Variants in CACNA1C observed in about 807,000 individuals in gnomAD.
The protein encoded by CACNA1C is voltage-dependent L-type calcium channel subunit alpha-1C.
Under a neutral mutation model 229.0 loss-of-function variants are expected in CACNA1C, and 30 were observed. The observed-to-expected ratio is 0.13, with a 90% CI of 0.10 to 0.18. CACNA1C has a LOEUF of 0.18. Among genes scored for constraint, CACNA1C ranks in the 10% least tolerant of loss-of-function variants. The probability of loss-of-function intolerance (pLI) is 1.00; values close to 1 mark genes in which losing one functional copy is unlikely to be tolerated. For missense variants in CACNA1C, 1,658 were observed against 2,845.0 expected, an observed-to-expected ratio of 0.58 and a Z score of 9.49; for synonymous variants, 1,114 against 1,132.5, an observed-to-expected ratio of 0.98 and a Z score of 0.33.
intron 1 of CACNA1C, chr12:2,004,514 C>T: frequency 6.6e-7 from 1 of 1,510,346 alleles, no homozygotes; most frequent in East Asian, 2.3e-5. Flanking sequence ...GCCTCGCAAC[C>T]GAGAACCCAC....
chr12:2,565,475 G>GAA (rs4016834), intron 11 of CACNA1C, among the ~76,000 whole-genome samples: 3 of 117,704 alleles, frequency 2.5e-5, no homozygotes, highest in South Asian at 2.9e-4. Context: ...CTCCGTCTCA[G>GAA]AAAAAAAAAA....
At chr12:2,278,502 A>C (rs1399721847) in intron 3 of CACNA1C, among the ~76,000 whole-genome samples, 1 of 152,154 alleles carries the variant, frequency 6.6e-6, no homozygotes, top group Non-Finnish European at 1.5e-5. Context: ...GTCATACAGC[A>C]TGGACTCTCT....
intron 3 of CACNA1C, among the ~76,000 whole-genome samples, chr12:2,320,196 C>T (rs978590971): frequency 1.3e-5 from 2 of 152,132 alleles, no homozygotes; most frequent in Non-Finnish European, 2.9e-5. Flanking sequence ...TGGTCAGTGC[C>T]ATGAAAATCT....
chr12:2,394,517 C>G (rs1595104524), intron 3 of CACNA1C, among the ~76,000 whole-genome samples: 1 of 152,200 alleles, frequency 6.6e-6, no homozygotes, highest in East Asian at 1.9e-4. Flanking sequence ...TGGCCACCTT[C>G]TCTCCTTAGT....
intron 3 of CACNA1C, among the ~76,000 whole-genome samples, chr12:2,173,539 C>T (rs1379370680): frequency 3.9e-5 from 6 of 152,154 alleles, no homozygotes; most frequent in Non-Finnish European, 8.8e-5. Flanking sequence ...GATGTATAAT[C>T]ACCCCATTTG....
chr12:2,347,635 G>A (rs764547914), intron 3 of CACNA1C, among the ~76,000 whole-genome samples: 7 of 152,224 alleles, frequency 4.6e-5, no homozygotes, highest in South Asian at 2.1e-4. Context: ...CCCAGGACCC[G>A]TGGGGGCCAG....
Position 2,053,656 on chromosome 12 carries a change from C to T in CACNA1C, c.49+45C>T. The T allele has an allele frequency of 6.5e-7, 1 of 1,541,212 alleles. No homozygotes were observed. Among genetic ancestry groups the T allele is most frequent in the Non-Finnish European group, 8.7e-7 (1 of 1,144,288 alleles). On this transcript the variant is annotated intron_variant, in intron 1 of 46. Coordinates refer to ENST00000399655, the MANE Select transcript of CACNA1C (RefSeq NM_000719.7). The surrounding 1 kb of genome is among the most constrained non-coding windows in gnomAD (Gnocchi z 5.8). ...CCTCGCCGGGGCTCCCTGCCTTTTC[C>T]ACCGGGTTCCTGCCCTACCCGCGCT...
intron 4 of CACNA1C, among the ~76,000 whole-genome samples, chr12:2,449,383 G>C (rs2099331424): frequency 6.6e-6 from 1 of 152,186 alleles, no homozygotes; most frequent in Non-Finnish European, 1.5e-5. Flanking sequence ...GAGGGGTCAG[G>C]CTTCTCCCTG....
At chr12:2,091,214 C>A (rs2070739067) in intron 1 of CACNA1C, among the ~76,000 whole-genome samples, 1 of 152,178 alleles carries the variant, frequency 6.6e-6, no homozygotes, top group African/African-American at 2.4e-5. Flanking sequence ...GGTTACTTGT[C>A]CCCATTGGCC....
chr12:2,689,642 C>A lies in CACNA1C; in HGVS notation c.6117+863C>A, dbSNP rs907775821. On this transcript the variant is annotated intron_variant, in intron 46 of 46. Coordinates refer to ENST00000399655, the MANE Select transcript of CACNA1C (RefSeq NM_000719.7). This position sits in a 1 kb window ranked among gnomAD's most constrained non-coding sequence, Gnocchi z 4.2. ...CTCATCCGGGCGTCAGGCTGTGGTG[C>A]AGGAGGTGGGGCGTTAAACCAGGTG... 6.6e-6 allele frequency among the ~76,000 whole-genome samples: 1 copy of A among 151,992 alleles called. No homozygotes were observed. Among genetic ancestry groups the A allele is most frequent in the South Asian group, 2.1e-4 (1 of 4,816 alleles).
rs1183464724 is a variant in CACNA1C, at chr12:2,651,915, G to A, written c.4074+147G>A. On this transcript the variant is annotated intron_variant, in intron 32 of 46. Coordinates refer to ENST00000399655, the MANE Select transcript of CACNA1C (RefSeq NM_000719.7). The surrounding 1 kb of genome is among the most constrained non-coding windows in gnomAD (Gnocchi z 5.4). ...ACTCGGCCGCTCTGCCTGGCTCCCT[G>A]TTTCCGCACCGAGAGGCCTAGACGA... The A allele has an allele frequency of 4.0e-5, 26 of 647,942 alleles. No individual in the cohort carries two copies. In the Admixed American group the frequency reaches 7.9e-4, roughly 20 times the overall value. The allele number at this position is 647,942 out of a possible 1,614,324, so 40.1% of individuals were successfully genotyped here.
At chr12:2,508,140 C>A (rs997844766) in intron 8 of CACNA1C, among the ~76,000 whole-genome samples, 5 of 152,236 alleles carry the variant, frequency 3.3e-5, no homozygotes, top group Non-Finnish European at 7.3e-5. Flanking sequence ...AAGCCACTAA[C>A]TGAATAGCAC....
rs925742367 is a variant in CACNA1C at position 2,666,390 on chromosome 12, C to A, written c.4527-296C>A. Among the ~76,000 whole-genome samples the A allele has an allele frequency of 9.2e-5, 14 of 152,180 alleles. No individual in the cohort carries two copies. Among genetic ancestry groups the A allele is most frequent in the African/African-American group, 3.4e-4 (14 of 41,438 alleles). On this transcript the variant is annotated intron_variant, in intron 36 of 46. Coordinates refer to ENST00000399655, the MANE Select transcript of CACNA1C (RefSeq NM_000719.7). The surrounding 1 kb of genome is among the most constrained non-coding windows in gnomAD (Gnocchi z 5.3). ...ATACCTTTTGGTCAGAAGGTTAGTT[C>A]ATTCAATCAGCAAGTATATATTGAG...
intron 3 of CACNA1C, among the ~76,000 whole-genome samples, chr12:2,276,594 T>G (rs986215753): frequency 2.0e-5 from 3 of 152,220 alleles, no homozygotes; most frequent in Non-Finnish European, 4.4e-5. Flanking sequence ...GAGAAATGTT[T>G]ATGGCCTCTA....
chr12:2,286,045 C>T (rs943193791), intron 3 of CACNA1C, among the ~76,000 whole-genome samples: 10 of 152,140 alleles, frequency 6.6e-5, no homozygotes, highest in African/African-American at 2.2e-4. Context: ...TTTCTTCACT[C>T]AGCTGTTTAA....
chr12:2,428,099 C>T (rs1405352444), intron 3 of CACNA1C, among the ~76,000 whole-genome samples: 4 of 151,962 alleles, frequency 2.6e-5, no homozygotes, highest in Non-Finnish European at 5.9e-5. Flanking sequence ...GTTTTAATTA[C>T]ACCTGAAAAC....
chr12:2,060,512 A>G (rs981080560), intron 1 of CACNA1C, among the ~76,000 whole-genome samples: 2 of 152,192 alleles, frequency 1.3e-5, no homozygotes, highest in South Asian at 4.1e-4. Context: ...ATCTTCCTTG[A>G]AGTGTTCATT....
chr12:2,226,071 T>G (rs2062853426), intron 3 of CACNA1C, among the ~76,000 whole-genome samples: 1 of 151,832 alleles, frequency 6.6e-6, no homozygotes. Context: ...TTATTTCCTG[T>G]GACTTCTTAG....
chr12:2,464,110 G>T (rs184775448), intron 5 of CACNA1C, among the ~76,000 whole-genome samples: 2 of 152,180 alleles, frequency 1.3e-5, no homozygotes, highest in Non-Finnish European at 2.9e-5. Context: ...AAGTCAAATG[G>T]AGATGAGAAA....
Sources: gnomAD v4.1 joint callset for allele counts (sites outside exome capture counted in the v4.1 genomes callset) on GRCh38, gnomAD v4.1.1 for gene constraint, Gnocchi (gnomAD v3.1) non-coding constraint, MANE v1.5 for transcripts, NCBI Gene and HGNC (gene_info 2026-07-23, HGNC 2026-07-21) for gene names.